The following TUBA4B variants were observed in gnomAD, a reference collection of about 807,000 sequenced individuals.
The protein encoded by TUBA4B is tubulin-like protein alpha-4B.
Under a neutral mutation model 18.4 loss-of-function variants are expected in TUBA4B, and 13 were observed. That is an observed-to-expected ratio of 0.71 (90% CI 0.46 to 1.12). TUBA4B has a LOEUF of 1.12. TUBA4B is among the 50% of genes most tolerant of loss of function. The pLI is 0.00. For synonymous variants in TUBA4B, 101 were observed against 99.1 expected, an observed-to-expected ratio of 1.02 and a Z score of -0.11; for missense variants, 244 against 250.0, an observed-to-expected ratio of 0.98 and a Z score of 0.16.
chr2:219,256,321 C>T (rs1951719756), intron 1 of TUBA4B, among the ~76,000 whole-genome samples: 2 of 152,188 alleles, frequency 1.3e-5, no homozygotes, highest in South Asian at 4.1e-4. Flanking sequence ...GCACATCATG[C>T]TATAGTTATT....
chr2:219,261,653 C>G (rs2125075175), intron 1 of TUBA4B, among the ~76,000 whole-genome samples: 1 of 152,330 alleles, frequency 6.6e-6, no homozygotes, highest in Admixed American at 6.5e-5. Flanking sequence ...CTCACCACCC[C>G]CTACTACCAT....
At chr2:219,259,640 TC>T (rs1574890892) in intron 1 of TUBA4B, among the ~76,000 whole-genome samples, 1 of 152,184 alleles carries the variant, frequency 6.6e-6, no homozygotes, top group African/African-American at 2.4e-5. Flanking sequence ...TGGGTCTCTC[TC>T]CCTCTTCTCC....
In TUBA4B at chr2:219,253,322, C is replaced by T; in HGVS notation, c.-86C>T. The T allele has an allele frequency of 6.5e-7, 1 of 1,528,400 alleles. No homozygotes were observed. The highest frequency in any genetic ancestry group is 1.7e-4 in the Middle Eastern group (1 of 5,924). The allele number at this position is 1,528,400 out of a possible 1,614,324, so 94.7% of individuals were successfully genotyped here. A position where few individuals can be genotyped will look rare whatever the true frequency, so the allele number is the denominator to read the frequency against. The stretch of plus-strand genomic sequence containing the variant: ...GGAGGCCGAACCCCGTTCCCACCAA[C>T]CCTCTCAGCTCAGACGCGGGGTGCT... On this transcript the variant is annotated 5_prime_UTR_variant, in exon 1 of 4. Coordinates refer to ENST00000490341, the MANE Select transcript of TUBA4B (RefSeq NM_001355221.1).
chr2:219,266,605 T>A (rs979381291), intron 2 of TUBA4B, 39 bp downstream of exon 2: 2 of 702,006 alleles, frequency 2.8e-6, no homozygotes, highest in East Asian at 2.7e-5. Flanking sequence ...AGCATGCAAG[T>A]GAGGGTCCCA....
chr2:219,255,415 T>C (rs2125072873), intron 1 of TUBA4B, among the ~76,000 whole-genome samples: 1 of 152,274 alleles, frequency 6.6e-6, no homozygotes, highest in East Asian at 1.9e-4. Context: ...GTATTTTTAG[T>C]AGAGACGGGG....
At chr2:219,268,916 C>T (rs909500053) in intron 2 of TUBA4B, among the ~76,000 whole-genome samples, 4 of 152,100 alleles carry the variant, frequency 2.6e-5, no homozygotes, top group African/African-American at 7.2e-5. Context: ...GGAAAGATGG[C>T]GAGACCTGTC....
intron 1 of TUBA4B, among the ~76,000 whole-genome samples, chr2:219,256,926 G>A (rs1472914072): frequency 6.6e-6 from 1 of 151,708 alleles, no homozygotes; most frequent in South Asian, 2.1e-4. Context: ...ATGAGTAAAA[G>A]AATATGGGCA....
At position 219,271,905 on chromosome 2, in the gene TUBA4B, C is replaced by T. The variant is rs532052206; in HGVS notation, c.*206C>T. The T allele has an allele frequency of 1.5e-5, 22 of 1,434,484 alleles. No individual in the cohort carries two copies. Among genetic ancestry groups the T allele is most frequent in the African/African-American group, 1.3e-4 (9 of 71,192 alleles). The allele number at this position is 1,434,484 out of a possible 1,614,324, so 88.9% of individuals were successfully genotyped here. ...CTGGGAGTGACCTGGTAAAGTGCAA[C>T]GTGCCATGTGCATGCTGAGCAACAT... On this transcript the variant is annotated 3_prime_UTR_variant, in exon 4 of 4. Coordinates refer to ENST00000490341, the MANE Select transcript of TUBA4B (RefSeq NM_001355221.1).
At chr2:219,261,560 G>A (rs1476977099) in intron 1 of TUBA4B, among the ~76,000 whole-genome samples, 1 of 152,142 alleles carries the variant, frequency 6.6e-6, no homozygotes, top group African/African-American at 2.4e-5. Context: ...TGAAGAATTG[G>A]GCAGGGGCAG....
At position 219,271,423 on chromosome 2, in the gene TUBA4B, C is replaced by A. The variant is rs780553091; in HGVS notation, c.450C>A (p.Asp150Glu). The A allele has an allele frequency of 5.0e-6, 8 of 1,614,116 alleles. No homozygotes were observed. Among genetic ancestry groups the A allele is most frequent in the Non-Finnish European group, 6.8e-6 (8 of 1,180,058 alleles). The change falls in exon 4 of 4, where the codon GAC becomes GAA. Residue 150 changes from aspartate (D) to glutamate (E), a missense_variant. Asp to Glu is a conservative substitution (Grantham distance 45). Coordinates refer to ENST00000490341, the MANE Select transcript of TUBA4B (RefSeq NM_001355221.1). The part of the protein sequence containing the change: ...AFMVDNKAIY[D>E]ICHCNLDIER... Reference sequence around the variant, plus strand: ...TGGTGGACAACAAAGCAATCTATGACATCTGCCACTGCAACCTAGACATCG... The same window carrying A: ...TGGTGGACAACAAAGCAATCTATGAAATCTGCCACTGCAACCTAGACATCG...
chr2:219,264,475 AAG>A (rs1951778048), intron 1 of TUBA4B, among the ~76,000 whole-genome samples: 1 of 151,896 alleles, frequency 6.6e-6, no homozygotes, highest in African/African-American at 2.4e-5. Flanking sequence ...AAAAAAAAAA[AAG>A]AACAATAATG....
chr2:219,253,812 G>A, intron 1 of TUBA4B: 1 of 1,531,018 alleles, frequency 6.5e-7, no homozygotes, highest in South Asian at 1.2e-5. Context: ...CAAAGGAGAG[G>A]GGCAATTAGG....
In TUBA4B at chr2:219,253,296, A is replaced by G; in HGVS notation, c.-112A>G. The G allele has an allele frequency of 6.6e-7, 1 of 1,511,300 alleles. No homozygotes were observed. Among genetic ancestry groups the G allele is most frequent in the Admixed American group, 2.0e-5 (1 of 49,552 alleles). 93.6% of individuals were successfully genotyped at this position (1,511,300 alleles called of 1,614,324 possible). ...CGGCTGGAGAGGGCCAGCTCGCTTC[A>G]GGAGGCCGAACCCCGTTCCCACCAA... On this transcript the variant is annotated 5_prime_UTR_variant, in exon 1 of 4. Transcript: ENST00000490341.
In TUBA4B at chr2:219,254,119, C is replaced by T. The variant is rs534607715; in HGVS notation, c.12+700C>T. 5.0e-5 allele frequency: 20 copies of T among 402,862 alleles called. No homozygotes were observed. In the East Asian group the frequency reaches 5.5e-4, roughly 11 times the overall value. The allele number at this position is 402,862 out of a possible 1,614,324, so 25.0% of individuals were successfully genotyped here. On this transcript the variant is annotated intron_variant, in intron 1 of 3. Transcript: ENST00000490341. ...CCTGTCCCGCTGGGATTAAGAGTCG[C>T]GATTCGGGCTTTAACCATTCTTTCC...
intron 1 of TUBA4B, chr2:219,254,730 C>T (rs1951702663): frequency 2.0e-5 from 3 of 152,302 alleles, no homozygotes; most frequent in Admixed American, 2.0e-4. Context: ...CCTGTGTGAC[C>T]TTGAGCAAGT....
At chr2:219,266,592 C>A in intron 2 of TUBA4B, 26 bp downstream of exon 2, 2 of 702,668 alleles carry the variant, frequency 2.8e-6, no homozygotes, top group South Asian at 1.5e-5. Flanking sequence ...CTTGGGGGGA[C>A]TGAGCATGCA....
At position 219,257,983 on chromosome 2, in the gene TUBA4B, G is replaced by GTTTT. The variant is rs1025891775; in HGVS notation, c.12+4584_12+4587dup. On this transcript the variant is annotated intron_variant, in intron 1 of 3. Transcript: ENST00000490341. ...ATGAGTCACCTGGCCCATTTTGGGT[G>GTTTT]TTTTTTTTTTTTTTTTTTTTTTTGA... 1.0e-3 allele frequency among the ~76,000 whole-genome samples: 97 copies of GTTTT among 94,154 alleles called. 1 individual carries two copies. The highest frequency in any genetic ancestry group is 1.3e-3 in the African/African-American group (30 of 22,338). The allele number at this position is 94,154 out of a possible 152,430, so 61.8% of individuals were successfully genotyped here. A position where few individuals can be genotyped will look rare whatever the true frequency, so the allele number is the denominator to read the frequency against.
rs549672371 is a variant in TUBA4B at position 219,271,409 on chromosome 2, A to G, written c.436A>G (p.Lys146Glu). ...AGACTGTGCCTTCATGGTGGACAACAAAGCAATCTATGACATCTGCCACTG... is the reference window on the plus strand; with the variant it reads ...AGACTGTGCCTTCATGGTGGACAACGAAGCAATCTATGACATCTGCCACTG... ...HSDCAFMVDN[K>E]AIYDICHCNL... Residue 146 changes from lysine to glutamate, a missense_variant, in exon 4 of 4, where the codon AAA (lysine) becomes GAA (glutamate). Lys to Glu is a moderately conservative substitution (Grantham distance 56). Coordinates refer to ENST00000490341, the MANE Select transcript of TUBA4B (RefSeq NM_001355221.1). 109 of 1,614,156 alleles carry G rather than the reference A, an allele frequency of 6.8e-5. No homozygotes were observed. The highest frequency in any genetic ancestry group is 2.6e-4 in the South Asian group (24 of 91,080).
Position 219,271,909 on chromosome 2 carries a change from C to T in TUBA4B, c.*210C>T. 7.0e-7 allele frequency: 1 copy of T among 1,430,898 alleles called. No homozygotes were observed. The highest frequency in any genetic ancestry group is 1.1e-5 in the South Asian group (1 of 87,160). The allele number at this position is 1,430,898 out of a possible 1,614,324, so 88.6% of individuals were successfully genotyped here. On this transcript the variant is annotated 3_prime_UTR_variant, in exon 4 of 4. Transcript: ENST00000490341. ...GAGTGACCTGGTAAAGTGCAACGTG[C>T]CATGTGCATGCTGAGCAACATGACA...
Sources: gnomAD v4.1 joint callset for allele counts (sites outside exome capture counted in the v4.1 genomes callset) on GRCh38, gnomAD v4.1.1 for gene constraint, MANE v1.5 for transcripts, NCBI Gene and HGNC (gene_info 2026-07-23, HGNC 2026-07-21) for gene names.